LMBRD2: variants seen among roughly 807,000 people sequenced by gnomAD.
LMBRD2 encodes the protein LMBR1 domain containing 2.
In LMBRD2, 55 loss-of-function variants were observed where a neutral mutation model predicts 94.4. The observed-to-expected ratio is 0.58, with a 90% confidence interval of 0.47 to 0.73. The LOEUF (loss-of-function observed/expected upper bound fraction) is 0.73. LMBRD2 is among the 30% of genes least tolerant of loss of function. The pLI is 0.00. For missense variants in LMBRD2, 640 were observed against 831.9 expected (o/e 0.77, Z 2.84); for synonymous variants, 246 against 272.4 (o/e 0.90, Z 0.95).
chr5:36,148,128 A>G (rs1744596254), intron 1 of LMBRD2: 1 of 179,490 alleles, frequency 5.6e-6, no homozygotes, highest in Non-Finnish European at 1.2e-5. Flanking sequence ...TCCACCAATA[A>G]TTAAATTTAA....
rs952398619 is a variant in LMBRD2, at chr5:36,151,349, G to A, written c.-58+207C>T. ...GCATGCGCAGCCTTCCCACCACACAGGACCCGCTGGGGTCTCCGGCTCCCC... is the reference window on the plus strand; with the variant it reads ...GCATGCGCAGCCTTCCCACCACACAAGACCCGCTGGGGTCTCCGGCTCCCC... On this transcript the variant is annotated intron_variant, in intron 1 of 17. Transcript: ENST00000296603. This position sits in a 1 kb window ranked among gnomAD's most constrained non-coding sequence, Gnocchi z 4.7. Among the ~76,000 whole-genome samples, 1 of 152,198 alleles carries A rather than the reference G, an allele frequency of 6.6e-6. No homozygotes were observed. The highest frequency in any genetic ancestry group is 2.4e-5 in the African/African-American group (1 of 41,454).
Position 36,098,412 on chromosome 5 carries a change from T to G in LMBRD2, c.*5634A>C, listed in dbSNP as rs577724906. ...CTTTCAAACATAAGAAAAAGTAATG[T>G]GAAAACTAAAGTACACATATTTATT... On this transcript the variant is annotated 3_prime_UTR_variant, in exon 18 of 18. Transcript: ENST00000296603. 158 of 152,144 alleles carry G rather than the reference T, an allele frequency of 1.0e-3. No individual in the cohort carries two copies. The highest frequency in any genetic ancestry group is 3.8e-3 in the African/African-American group (156 of 41,562). The allele number at this position is 152,144 out of a possible 1,614,324, so 9.4% of individuals were successfully genotyped here.
chr5:36,146,665 C>T (rs1744548478), intron 1 of LMBRD2, among the ~76,000 whole-genome samples: 2 of 152,192 alleles, frequency 1.3e-5, no homozygotes, highest in Non-Finnish European at 2.9e-5. Context: ...GCATGATCCA[C>T]CTAGCCAAGC....
intron 9 of LMBRD2, 100 bp downstream of exon 9, chr5:36,122,180 A>G (rs1337017244): frequency 1.3e-6 from 1 of 797,036 alleles, no homozygotes; most frequent in East Asian, 2.7e-5. Context: ...AAATCAAATA[A>G]TACAAATAAA....
At position 36,115,036 on chromosome 5, in the gene LMBRD2, A is replaced by G. The variant is rs147047231; in HGVS notation, c.1521T>C (p.Thr507=). ...HMDSSISHKN[T]QPTAYTSIMG... ...TTACAGATGTATAAGCAGTTGGTTGAGTATTCTTGTGAGAGATAGATGAAT... is the reference window on the plus strand; with the variant it reads ...TTACAGATGTATAAGCAGTTGGTTGGGTATTCTTGTGAGAGATAGATGAAT... Residue 507 remains threonine, a synonymous_variant, in exon 12 of 18, where the codon ACT becomes ACC. Transcript: ENST00000296603. The G allele has an allele frequency of 2.5e-6, 4 of 1,606,726 alleles. No individual in the cohort carries two copies. The highest frequency in any genetic ancestry group is 3.4e-6 in the Non-Finnish European group (4 of 1,174,072).
chr5:36,145,431 G>T (rs1220990718), intron 1 of LMBRD2, among the ~76,000 whole-genome samples: 1 of 152,312 alleles, frequency 6.6e-6, no homozygotes, highest in East Asian at 1.9e-4. Context: ...TTGCCATGTT[G>T]CCTGGGCTGG....
rs1743373546 is a variant in LMBRD2 at position 36,102,759 on chromosome 5, G to C, written c.*1287C>G. 1 of 151,662 alleles carries C rather than the reference G, an allele frequency of 6.6e-6. No individual in the cohort carries two copies. The highest frequency in any genetic ancestry group is 6.6e-5 in the Admixed American group (1 of 15,186). 9.4% of individuals were successfully genotyped at this position (151,662 alleles called of 1,614,324 possible). On this transcript the variant is annotated 3_prime_UTR_variant, in exon 18 of 18. Coordinates refer to ENST00000296603, the MANE Select transcript of LMBRD2 (RefSeq NM_001007527.2). Reference sequence around the variant, plus strand: ...CATATAATTCATCTTCAAACTGGGTGGGATACTTGAGGGTGAAAGTAATCA... The same window carrying C: ...CATATAATTCATCTTCAAACTGGGTCGGATACTTGAGGGTGAAAGTAATCA...
rs750732261 is a variant in LMBRD2 at position 36,136,447 on chromosome 5, C to A, written c.609G>T (p.Gly203=). Residue 203 remains glycine, a synonymous_variant, in exon 6 of 18, where the codon GGG becomes GGT. Transcript: ENST00000296603. Reference sequence around the variant, plus strand: ...ATCGAGGAATTTCCACCAAGCCATACCCCAACAACAACACAAGAAGAAACA... The same window carrying A: ...ATCGAGGAATTTCCACCAAGCCATAACCCAACAACAACACAAGAAGAAACA... ...WGLFLLVLLL[G]YGLVEIPRSY... 1 of 1,613,978 alleles carries A rather than the reference C, an allele frequency of 6.2e-7. No homozygotes were observed. The highest frequency in any genetic ancestry group is 2.2e-5 in the East Asian group (1 of 44,870).
At position 36,119,009 on chromosome 5, in the gene LMBRD2, T is replaced by C. The variant is rs184435909; in HGVS notation, c.1121-1093A>G. ...CTCCCAGCACTATTTTGGTTTTAAG[T>C]CTGAATTTAGGTATAAATAAAAATT... On this transcript the variant is annotated intron_variant, in intron 9 of 17. Coordinates refer to ENST00000296603, the MANE Select transcript of LMBRD2 (RefSeq NM_001007527.2). 1.5e-3 allele frequency among the ~76,000 whole-genome samples: 222 copies of C among 152,204 alleles called. 1 individual carries two copies. The highest frequency in any genetic ancestry group is 5.0e-3 in the African/African-American group (207 of 41,520).
chr5:36,110,578 T>C (rs895706990), intron 14 of LMBRD2, among the ~76,000 whole-genome samples: 5 of 151,996 alleles, frequency 3.3e-5, no homozygotes, highest in Non-Finnish European at 5.9e-5. Flanking sequence ...ATTCAACTCA[T>C]AATTACACAA....
At chr5:36,120,217 G>T (rs1489740806) in intron 9 of LMBRD2, among the ~76,000 whole-genome samples, 3 of 151,706 alleles carry the variant, frequency 2.0e-5, no homozygotes, top group African/African-American at 7.3e-5. Flanking sequence ...CTGGAGTGCA[G>T]TGGCGCAATC....
At chr5:36,141,541 T>C (rs555471386) in intron 3 of LMBRD2, among the ~76,000 whole-genome samples, 1 of 152,054 alleles carries the variant, frequency 6.6e-6, no homozygotes, top group East Asian at 1.9e-4. Flanking sequence ...GAAATAAAAT[T>C]TCTAATGATT....
intron 6 of LMBRD2, 137 bp from the exon 7 acceptor site, chr5:36,124,402 G>C: frequency 1.9e-6 from 1 of 529,014 alleles, no homozygotes; most frequent in Non-Finnish European, 3.4e-6. Flanking sequence ...ATGAATAAAG[G>C]TTCTTAAGAA....
At position 36,098,888 on chromosome 5, in the gene LMBRD2, CAATGGCTAACTA is replaced by C. The variant is rs1289802797; in HGVS notation, c.*5146_*5157del. 6.6e-6 allele frequency: 1 copy of C among 152,002 alleles called. No homozygotes were observed. The highest frequency in any genetic ancestry group is 1.5e-5 in the Non-Finnish European group (1 of 67,950). 9.4% of individuals were successfully genotyped at this position (152,002 alleles called of 1,614,324 possible). ...ACATTTGTCATTACATATCAGGTGG[CAATGGCTAACTA>C]AAGATAAACTTGGCATCATGCACCA... is the stretch of plus-strand genomic sequence containing the variant. On this transcript the variant is annotated 3_prime_UTR_variant, in exon 18 of 18. Transcript: ENST00000296603.
chr5:36,142,418 T>C (rs1744431551), intron 3 of LMBRD2, 84 bp downstream of exon 3: 1 of 699,684 alleles, frequency 1.4e-6, no homozygotes, highest in Non-Finnish European at 2.4e-6. Flanking sequence ...TACATAAATA[T>C]AAAGTCTGGA....
chr5:36,134,753 C>T (rs942464546), intron 6 of LMBRD2, among the ~76,000 whole-genome samples: 1 of 152,084 alleles, frequency 6.6e-6, no homozygotes, highest in Non-Finnish European at 1.5e-5. Context: ...AACTGTGAGC[C>T]AATATTTTCT....
At position 36,103,216 on chromosome 5, in the gene LMBRD2, A is replaced by T. The variant is rs1296084674; in HGVS notation, c.*830T>A. 1.3e-5 allele frequency: 2 copies of T among 152,274 alleles called. No homozygotes were observed. The highest frequency in any genetic ancestry group is 3.9e-4 in the East Asian group (2 of 5,194). 9.4% of individuals were successfully genotyped at this position (152,274 alleles called of 1,614,324 possible). On this transcript the variant is annotated 3_prime_UTR_variant, in exon 18 of 18. Coordinates refer to ENST00000296603, the MANE Select transcript of LMBRD2 (RefSeq NM_001007527.2). The stretch of plus-strand genomic sequence containing the variant: ...TTGTTGGACTCTTTGACTACTTAAA[A>T]AAAAACTATTTTTCATTAATGCCTA...
At chr5:36,119,626 G>T (rs933981859) in intron 9 of LMBRD2, among the ~76,000 whole-genome samples, 3 of 152,098 alleles carry the variant, frequency 2.0e-5, no homozygotes, top group African/African-American at 7.2e-5. Flanking sequence ...TTGTTGACTG[G>T]CCTCACTTTA....
In LMBRD2 at chr5:36,100,701, T is replaced by A. The variant is rs979230605; in HGVS notation, c.*3345A>T. The A allele has an allele frequency of 6.6e-6, 1 of 152,088 alleles. No homozygotes were observed. Among genetic ancestry groups the A allele is most frequent in the African/African-American group, 2.4e-5 (1 of 41,446 alleles). 9.4% of individuals were successfully genotyped at this position (152,088 alleles called of 1,614,324 possible). On this transcript the variant is annotated 3_prime_UTR_variant, in exon 18 of 18. Transcript: ENST00000296603. ...TTGTCGCTTAGTGCAAATATACTTG[T>A]AATTTTTAGGCATAATCCACTCAAA...
Sources: gnomAD v4.1 joint callset for allele counts (sites outside exome capture counted in the v4.1 genomes callset) on GRCh38, gnomAD v4.1.1 for gene constraint, Gnocchi (gnomAD v3.1) non-coding constraint, MANE v1.5 for transcripts, NCBI Gene and HGNC (gene_info 2026-07-23, HGNC 2026-07-21) for gene names.